Variants in ZBTB16 observed in about 807,000 individuals in gnomAD.
The protein encoded by ZBTB16 is zinc finger and BTB domain containing 16, also known as zinc finger and BTB domain-containing protein 16.
In ZBTB16, 8 loss-of-function variants were observed where a neutral mutation model predicts 56.8. That is an observed-to-expected ratio of 0.14 (90% CI 0.08 to 0.25). The LOEUF (loss-of-function observed/expected upper bound fraction) is 0.25. ZBTB16 is among the 10% of genes least tolerant of loss of function. The probability of loss-of-function intolerance (pLI) is 1.00; values close to 1 mark genes in which losing one functional copy is unlikely to be tolerated. For missense variants in ZBTB16, 625 were observed against 903.0 expected (o/e 0.69, Z 3.95); for synonymous variants, 363 against 368.5 (o/e 0.98, Z 0.17).
At position 114,160,557 on chromosome 11, in the gene ZBTB16, A is replaced by G. The variant is rs1942560337; in HGVS notation, c.1366+4123A>G. Among the ~76,000 whole-genome samples, 7 of 152,332 alleles carry G rather than the reference A, an allele frequency of 4.6e-5. 1 individual carries two copies. In the South Asian group the frequency reaches 1.5e-3, roughly 32 times the overall value. On this transcript the variant is annotated intron_variant, in intron 3 of 6. Transcript: ENST00000335953. ...ATCAGTTTTCATTGTGTTGAAATTG[A>G]CAATTTGTTTAATTAGAAGTTTGCC...
At position 114,252,441 on chromosome 11, in the gene ZBTB16, A is replaced by G. The variant is rs1206751160; in HGVS notation, c.*1886A>G. On this transcript the variant is annotated 3_prime_UTR_variant, in exon 7 of 7. Coordinates refer to ENST00000335953, the MANE Select transcript of ZBTB16 (RefSeq NM_006006.6). ...TGGGGTGGGGGTGTTGTTTTTCTAA[A>G]AGCTACCTCTTATGTTTGTCCAGTT... is the stretch of plus-strand genomic sequence containing the variant. Among the ~76,000 whole-genome samples, 2 of 151,540 alleles carry G rather than the reference A, an allele frequency of 1.3e-5. No individual in the cohort carries two copies. Among genetic ancestry groups the G allele is most frequent in the Non-Finnish European group, 2.9e-5 (2 of 67,894 alleles).
chr11:114,067,457 A>G (rs1397107717), intron 2 of ZBTB16, among the ~76,000 whole-genome samples: 3 of 152,136 alleles, frequency 2.0e-5, no homozygotes, highest in Non-Finnish European at 1.5e-5. Flanking sequence ...CCCAGGCTGC[A>G]GTGCAGTGGC....
chr11:114,128,600 AC>A (rs1941578113), intron 2 of ZBTB16, among the ~76,000 whole-genome samples: 1 of 152,116 alleles, frequency 6.6e-6, no homozygotes, highest in Non-Finnish European at 1.5e-5. Flanking sequence ...CCTTATTAGC[AC>A]CTGGCACACA....
chr11:114,249,679 G>A (rs1257221480), intron 6 of ZBTB16, among the ~76,000 whole-genome samples: 1 of 144,146 alleles, frequency 6.9e-6, no homozygotes, highest in Non-Finnish European at 1.5e-5. Context: ...GCAGGAGAAT[G>A]GCGTGAACCC....
chr11:114,090,823 G>C (rs1752301336), intron 2 of ZBTB16, among the ~76,000 whole-genome samples: 1 of 152,122 alleles, frequency 6.6e-6, no homozygotes, highest in Non-Finnish European at 1.5e-5. Context: ...CCAAACTCTT[G>C]GTTGGTTTCT....
intron 2 of ZBTB16, among the ~76,000 whole-genome samples, chr11:114,101,843 T>A (rs1190030399): frequency 6.6e-6 from 1 of 152,268 alleles, no homozygotes; most frequent in Non-Finnish European, 1.5e-5. Context: ...TATAGGGAGA[T>A]ACATTCATAT....
rs1591785912 is a variant in ZBTB16, at chr11:114,210,774, G to A, written c.1453+23736G>A. On this transcript the variant is annotated intron_variant, in intron 4 of 6. Coordinates refer to ENST00000335953, the MANE Select transcript of ZBTB16 (RefSeq NM_006006.6). Reference sequence around the variant, plus strand: ...CACTGCCAGGGCTCTTGGGGTCTAAGGTGGGTTAAAGGACAGAGATGAGAA... The same window carrying A: ...CACTGCCAGGGCTCTTGGGGTCTAAAGTGGGTTAAAGGACAGAGATGAGAA... 1.8e-5 allele frequency: 4 copies of A among 218,094 alleles called. No homozygotes were observed. The Admixed American group carries it at 2.3e-4, about 13-fold the overall frequency. The allele number at this position is 218,094 out of a possible 1,614,324, so 13.5% of individuals were successfully genotyped here. A position where few individuals can be genotyped will look rare whatever the true frequency, so the allele number is the denominator to read the frequency against.
At chr11:114,212,787 CTGGCT>C (rs1944021629) in intron 4 of ZBTB16, among the ~76,000 whole-genome samples, 1 of 152,140 alleles carries the variant, frequency 6.6e-6, no homozygotes, top group African/African-American at 2.4e-5. Flanking sequence ...GAGGGACCAC[CTGGCT>C]TATCCCCCCA....
intron 4 of ZBTB16, among the ~76,000 whole-genome samples, chr11:114,225,966 T>C (rs117114779): frequency 0.017 from 2,583 of 152,284 alleles, 35 homozygotes; most frequent in South Asian, 0.029. Context: ...AGATACTAAG[T>C]GATTTGCATA....
chr11:114,088,328 G>C (rs1431731929), intron 2 of ZBTB16, among the ~76,000 whole-genome samples: 1 of 151,946 alleles, frequency 6.6e-6, no homozygotes, highest in African/African-American at 2.4e-5. Context: ...TTTTAGTAGA[G>C]ATGCGGTTTC....
At chr11:114,141,138 C>T (rs752393795) in intron 2 of ZBTB16, among the ~76,000 whole-genome samples, 12 of 152,228 alleles carry the variant, frequency 7.9e-5, no homozygotes, top group East Asian at 1.9e-4. Flanking sequence ...AAGGCTTGCC[C>T]GGCGGGGTAT....
At chr11:114,127,894 A>G (rs886067390) in intron 2 of ZBTB16, among the ~76,000 whole-genome samples, 1 of 152,064 alleles carries the variant, frequency 6.6e-6, no homozygotes, top group Non-Finnish European at 1.5e-5. Context: ...AGCTCAGCAC[A>G]TGTCTTGGGA....
intron 4 of ZBTB16, chr11:114,188,652 A>G (rs537107105): frequency 6.6e-6 from 1 of 152,344 alleles, no homozygotes; most frequent in East Asian, 1.9e-4. Context: ...CTGTTTAGGC[A>G]TTTAAGATGT....
chr11:114,165,692 G>C (rs1942730670), intron 3 of ZBTB16, among the ~76,000 whole-genome samples: 3 of 152,176 alleles, frequency 2.0e-5, no homozygotes, highest in Non-Finnish European at 4.4e-5. Context: ...GCCAGGGAGA[G>C]GCCTGAAGCT....
At chr11:114,076,502 C>T (rs1051719950) in intron 2 of ZBTB16, among the ~76,000 whole-genome samples, 1 of 152,122 alleles carries the variant, frequency 6.6e-6, no homozygotes, top group Non-Finnish European at 1.5e-5. Context: ...GCTTCGAAGG[C>T]GTTTGTAGAG....
rs35873921 is a variant in ZBTB16, at chr11:114,115,341, CTTT to C, written c.1269-40977_1269-40975del. ...GTGTTGTTTTCCTCCCTCCTTCCTCCTTTTTTTTTTTTTTTTTTTTTAAACTCC... is the reference window on the plus strand; with the variant it reads ...GTGTTGTTTTCCTCCCTCCTTCCTCCTTTTTTTTTTTTTTTTTTAAACTCC... On this transcript the variant is annotated intron_variant, in intron 2 of 6. Transcript: ENST00000335953. Among the ~76,000 whole-genome samples, 191 of 127,482 alleles carry C rather than the reference CTTT, an allele frequency of 1.5e-3. 1 individual carries two copies. The highest frequency in any genetic ancestry group is 4.2e-3 in the Middle Eastern group (1 of 236). 83.6% of individuals were successfully genotyped at this position (127,482 alleles called of 152,430 possible).
chr11:114,089,249 C>A (rs1940088261), intron 2 of ZBTB16, among the ~76,000 whole-genome samples: 1 of 152,032 alleles, frequency 6.6e-6, no homozygotes, highest in Admixed American at 6.6e-5. Flanking sequence ...GGTGTCTGAT[C>A]TTTGGCAGGC....
intron 2 of ZBTB16, among the ~76,000 whole-genome samples, chr11:114,146,598 G>C (rs1223952268): frequency 6.6e-6 from 1 of 152,040 alleles, no homozygotes; most frequent in Non-Finnish European, 1.5e-5. Flanking sequence ...TGTAATTCCA[G>C]CACTTTGGGA....
chr11:114,108,952 A>G (rs1261560557), intron 2 of ZBTB16, among the ~76,000 whole-genome samples: 1 of 152,166 alleles, frequency 6.6e-6, no homozygotes, highest in African/African-American at 2.4e-5. Context: ...TCCTAGCTTC[A>G]CTAAGTTGCC....
Sources: allele counts gnomAD v4.1 joint callset (sites outside exome capture counted in the v4.1 genomes callset), GRCh38; gene constraint gnomAD v4.1.1; transcripts MANE v1.5; gene names NCBI Gene and HGNC (gene_info 2026-07-23, HGNC 2026-07-21).